Variants in WLS observed in about 807,000 individuals in gnomAD.
WLS encodes the protein Wnt ligand secretion mediator.
WLS carries 23 observed loss-of-function variants against 62.8 expected under a neutral mutation model. The observed-to-expected ratio is 0.37, with a 90% CI of 0.26 to 0.52. The LOEUF is 0.52. Among genes scored for constraint, WLS ranks in the 20% least tolerant of loss-of-function variants. The pLI, the probability that WLS is intolerant of heterozygous loss-of-function variation, is 0.92. For missense variants in WLS, 615 were observed against 697.3 expected (o/e 0.88, Z 1.33); for synonymous variants, 246 against 244.1 (o/e 1.01, Z -0.07).
chr1:68,112,065 C>T (rs1646235059), intron 11 of WLS, among the ~76,000 whole-genome samples: 1 of 152,178 alleles, frequency 6.6e-6, no homozygotes, highest in Non-Finnish European at 1.5e-5. Context: ...ATGCCTTGGC[C>T]ACAAGGAGAA....
intron 11 of WLS, among the ~76,000 whole-genome samples, chr1:68,119,505 G>T (rs1443397001): frequency 6.6e-6 from 1 of 152,234 alleles, no homozygotes; most frequent in Non-Finnish European, 1.5e-5. Flanking sequence ...GTAGCTAAGA[G>T]CCTGGCGGTG....
Position 68,194,157 on chromosome 1 carries a change from C to A in WLS, c.177G>T (p.Lys59Asn). The A allele has an allele frequency of 6.2e-7, 1 of 1,614,204 alleles. No individual in the cohort carries two copies. The highest frequency in any genetic ancestry group is 8.5e-7 in the Non-Finnish European group (1 of 1,180,040). ...KCVDARKNHH[K>N]TKWFVPWGPN... ...GTCCCCAAGGCACGAACCATTTTGT[C>A]TTGTGATGGTTCTTACGGGCATCCA... The change falls in exon 2 of 12, where the codon AAG becomes AAT. Residue 59 changes from lysine (K) to asparagine (N), a missense_variant. By Grantham distance (94) the Lys-to-Asn change is moderately conservative. Coordinates refer to ENST00000262348, the MANE Select transcript of WLS (RefSeq NM_024911.7).
intron 1 of WLS, among the ~76,000 whole-genome samples, chr1:68,205,732 A>G (rs543541904): frequency 1.8e-4 from 28 of 152,330 alleles, no homozygotes; most frequent in African/African-American, 5.3e-4. Flanking sequence ...CTACCAGAGA[A>G]AAAGCAAACA....
intron 2 of WLS, among the ~76,000 whole-genome samples, chr1:68,166,169 T>C (rs1647057120): frequency 6.6e-6 from 1 of 152,276 alleles, no homozygotes; most frequent in Non-Finnish European, 1.5e-5. Context: ...AACAATTCCA[T>C]GAAGTGGACA....
At chr1:68,165,904 T>C (rs886304352) in intron 2 of WLS, among the ~76,000 whole-genome samples, 1 of 152,194 alleles carries the variant, frequency 6.6e-6, no homozygotes, top group African/African-American at 2.4e-5. Context: ...TCATACTGTT[T>C]CCCCAAGCCA....
chr1:68,133,419 G>A (rs1646560252), intron 11 of WLS, among the ~76,000 whole-genome samples: 1 of 152,124 alleles, frequency 6.6e-6, no homozygotes, highest in African/African-American at 2.4e-5. Context: ...AGAGGTAGAT[G>A]AGGAAATCTT....
chr1:68,113,024 C>T (rs1335256445), intron 11 of WLS, among the ~76,000 whole-genome samples: 1 of 152,190 alleles, frequency 6.6e-6, no homozygotes, highest in Non-Finnish European at 1.5e-5. Flanking sequence ...AACGCCTTGG[C>T]CCCATCTTAA....
rs1647292886 is a variant in WLS at position 68,177,143 on chromosome 1, T to C, written c.379+16812A>G. Among the ~76,000 whole-genome samples the C allele has an allele frequency of 2.0e-5, 3 of 152,252 alleles. No homozygotes were observed. The South Asian group carries it at 6.2e-4, about 32-fold the overall frequency. ...TGTGGGCACATTCTCCTAAGGATGC[T>C]AAGAATTTTCCACATCTTCTATTTT... On this transcript the variant is annotated intron_variant, in intron 2 of 11. Transcript: ENST00000262348.
intron 11 of WLS, among the ~76,000 whole-genome samples, chr1:68,135,379 G>T (rs1213536210): frequency 7.0e-6 from 1 of 142,736 alleles, no homozygotes; most frequent in Non-Finnish European, 1.5e-5. Flanking sequence ...CAAACTTCTG[G>T]GCTCAAGCAA....
At chr1:68,151,117 T>C (rs566700642) in intron 5 of WLS, among the ~76,000 whole-genome samples, 72 of 152,324 alleles carry the variant, frequency 4.7e-4, no homozygotes, top group Middle Eastern at 3.4e-3. Flanking sequence ...TTTTAAAGCA[T>C]AGAGGGCTGC....
intron 2 of WLS, among the ~76,000 whole-genome samples, chr1:68,167,677 A>G (rs1387857217): frequency 1.3e-5 from 2 of 152,128 alleles, no homozygotes; most frequent in East Asian, 1.9e-4. Flanking sequence ...ATGGTTTTCC[A>G]TACCTATACT....
At chr1:68,164,506 C>T (rs1297976522) in intron 2 of WLS, among the ~76,000 whole-genome samples, 1 of 152,154 alleles carries the variant, frequency 6.6e-6, no homozygotes, top group African/African-American at 2.4e-5. Context: ...GATCCGCCTG[C>T]CTCAGCTTCC....
chr1:68,187,189 CAAAAAAAA>C (rs34130992), intron 2 of WLS, among the ~76,000 whole-genome samples: 1 of 57,196 alleles, frequency 1.7e-5, no homozygotes, highest in East Asian at 5.2e-4. Context: ...ACTCCATCTC[CAAAAAAAA>C]AAAAAAAAAA....
At chr1:68,223,800 G>A (rs1241686234) in intron 1 of WLS, among the ~76,000 whole-genome samples, 1 of 152,162 alleles carries the variant, frequency 6.6e-6, no homozygotes. Flanking sequence ...CAGGTTGTCT[G>A]CAGAGTCCTA....
At chr1:68,147,653 T>C (rs1334603069) in intron 8 of WLS, among the ~76,000 whole-genome samples, 1 of 152,236 alleles carries the variant, frequency 6.6e-6, no homozygotes, top group Non-Finnish European at 1.5e-5. Context: ...TGGCGACTTC[T>C]CTGGAACTAA....
At chr1:68,110,358 A>G (rs1646208497) in intron 11 of WLS, among the ~76,000 whole-genome samples, 1 of 152,156 alleles carries the variant, frequency 6.6e-6, no homozygotes, top group African/African-American at 2.4e-5. Context: ...AACCAATTGA[A>G]GAAATGGAAA....
chr1:68,222,514 A>G (rs1649982871), intron 1 of WLS, among the ~76,000 whole-genome samples: 1 of 152,172 alleles, frequency 6.6e-6, no homozygotes, highest in Non-Finnish European at 1.5e-5. Context: ...AATGTTCTGC[A>G]CATTAACTCT....
At chr1:68,173,327 C>A (rs1179637379) in intron 2 of WLS, among the ~76,000 whole-genome samples, 1 of 152,002 alleles carries the variant, frequency 6.6e-6, no homozygotes, top group Non-Finnish European at 1.5e-5. Flanking sequence ...CAGTGGGTTT[C>A]TTTGCTTTCT....
chr1:68,127,085 C>T (rs748533973), intron 11 of WLS: 6 of 402,048 alleles, frequency 1.5e-5, no homozygotes, highest in Non-Finnish European at 4.9e-6. Flanking sequence ...ACCTCAGCTA[C>T]TCAGGAGGCT....
Sources: gnomAD v4.1 joint callset for allele counts (sites outside exome capture counted in the v4.1 genomes callset) on GRCh38, gnomAD v4.1.1 for gene constraint, MANE v1.5 for transcripts, NCBI Gene and HGNC (gene_info 2026-07-23, HGNC 2026-07-21) for gene names.